Variants in ABCC1 observed in about 807,000 individuals in gnomAD.
The protein encoded by ABCC1 is ATP binding cassette subfamily C member 1 (ABCC1 blood group), also known as multidrug resistance-associated protein 1.
In ABCC1, 83 loss-of-function variants were observed where a neutral mutation model predicts 172.9. That is an observed-to-expected ratio of 0.48 (90% CI 0.40 to 0.58). The LOEUF (loss-of-function observed/expected upper bound fraction) is 0.58. Ranked by LOEUF, ABCC1 falls within the 20% of genes least tolerant of loss-of-function variation. The pLI, the probability that ABCC1 is intolerant of heterozygous loss-of-function variation, is 0.00. For synonymous variants in ABCC1, 937 were observed against 825.2 expected (o/e 1.14, Z -2.32); for missense variants, 1,817 against 2,002.7 (o/e 0.91, Z 1.77).
At chr16:16,066,534 G>T (rs1013388746) in intron 12 of ABCC1, among the ~76,000 whole-genome samples, 1 of 152,116 alleles carries the variant, frequency 6.6e-6, no homozygotes, top group East Asian at 1.9e-4. Context: ...GTTTTAGCAT[G>T]TATAAGAATT....
rs1485070279 is a variant in ABCC1, at chr16:16,056,203, C to T, written c.1585C>T (p.Leu529=). The T allele has an allele frequency of 1.9e-6, 3 of 1,614,194 alleles. No individual in the cohort carries two copies. The highest frequency in any genetic ancestry group is 2.5e-6 in the Non-Finnish European group (3 of 1,180,040). Residue 529 remains leucine, a synonymous_variant, in exon 12 of 31, where the codon CTG becomes TTG. Coordinates refer to ENST00000399410, the MANE Select transcript of ABCC1 (RefSeq NM_004996.4). ...AWELAFKDKV[L]AIRQEELKVL... The stretch of plus-strand genomic sequence containing the variant: ...GGAGCTGGCATTCAAGGACAAGGTG[C>T]TGGCCATCAGGCAGGAGGAGCTGAA...
chr16:15,986,268 C>A (rs923581148), intron 1 of ABCC1, among the ~76,000 whole-genome samples: 1 of 151,778 alleles, frequency 6.6e-6, no homozygotes, highest in East Asian at 1.9e-4. Context: ...ATATTCCCAC[C>A]GTCCTCTTGT....
intron 7 of ABCC1, among the ~76,000 whole-genome samples, chr16:16,042,158 T>A (rs1016339214): frequency 6.7e-6 from 1 of 148,674 alleles, no homozygotes; most frequent in South Asian, 2.1e-4. Flanking sequence ...TCTGTGACTC[T>A]GGAAGAGTTT....
chr16:16,095,190 T>A (rs2051422615), intron 19 of ABCC1: 1 of 152,250 alleles, frequency 6.6e-6, no homozygotes, highest in African/African-American at 2.4e-5. Context: ...GTTTTCTGGA[T>A]AAAGTGAATA....
At chr16:15,960,958 A>AGC (rs1390819180) in intron 1 of ABCC1, among the ~76,000 whole-genome samples, 1 of 151,842 alleles carries the variant, frequency 6.6e-6, no homozygotes, top group Non-Finnish European at 1.5e-5. Context: ...CCCTGGCAGA[A>AGC]GCAAGAACCT....
chr16:16,098,915 C>T (rs755464904), intron 19 of ABCC1: 29 of 1,351,786 alleles, frequency 2.1e-5, no homozygotes, highest in Middle Eastern at 2.1e-4. Context: ...CAGTACTGCC[C>T]GGGTTGGAGT....
intron 1 of ABCC1, among the ~76,000 whole-genome samples, chr16:15,958,581 T>C (rs1365637159): frequency 6.6e-6 from 1 of 152,218 alleles, no homozygotes; most frequent in Non-Finnish European, 1.5e-5. Context: ...AAGTAAGGCC[T>C]AGCTTTGATG....
At chr16:16,137,804 T>C (rs62032034) in intron 29 of ABCC1, among the ~76,000 whole-genome samples, 1 of 151,988 alleles carries the variant, frequency 6.6e-6, no homozygotes, top group East Asian at 1.9e-4. Flanking sequence ...CCACCCGCCT[T>C]AGCCTCACAA....
At chr16:16,024,361 G>A (rs532724352) in intron 5 of ABCC1, among the ~76,000 whole-genome samples, 86 of 152,172 alleles carry the variant, frequency 5.7e-4, no homozygotes, top group African/African-American at 2.0e-3. Context: ...TTGTTTGTTT[G>A]TTTGTTTTGA....
chr16:15,990,925 A>G (rs1405169237), intron 1 of ABCC1, among the ~76,000 whole-genome samples: 3 of 150,412 alleles, frequency 2.0e-5, no homozygotes, highest in Admixed American at 2.0e-4. Context: ...GACCTCCCAA[A>G]GCGGTGGGAT....
intron 7 of ABCC1, among the ~76,000 whole-genome samples, chr16:16,039,267 T>C (rs2151856366): frequency 1.3e-5 from 1 of 76,474 alleles, no homozygotes; most frequent in Admixed American, 1.3e-4. Context: ...GTGTGTTTTC[T>C]TTTTTTTTTT....
chr16:16,044,405 CA>C (rs1699938083), intron 7 of ABCC1, 44 bp from the exon 8 acceptor site: 1 of 1,536,848 alleles, frequency 6.5e-7, no homozygotes, highest in Non-Finnish European at 9.0e-7. Flanking sequence ...TAGGGGGCTG[CA>C]TCTCTGGCAG....
chr16:16,113,668 ATAAAAT>A (rs1250572540), intron 22 of ABCC1, among the ~76,000 whole-genome samples: 2 of 152,136 alleles, frequency 1.3e-5, no homozygotes, highest in African/African-American at 2.4e-5. Flanking sequence ...CAAAAGAAAA[ATAAAAT>A]TAAAGATTTA....
At chr16:16,078,192 C>G (rs950704239) in intron 15 of ABCC1, among the ~76,000 whole-genome samples, 3 of 151,972 alleles carry the variant, frequency 2.0e-5, no homozygotes, top group Non-Finnish European at 4.4e-5. Context: ...TAACTAAATA[C>G]AGATAAATAA....
At chr16:15,989,162 G>C (rs1175055536) in intron 1 of ABCC1, among the ~76,000 whole-genome samples, 1 of 151,928 alleles carries the variant, frequency 6.6e-6, no homozygotes, top group Non-Finnish European at 1.5e-5. Context: ...CGCCTGGATA[G>C]AGCAAGGATG....
chr16:16,069,211 A>AATAAATAT (rs1168834676), intron 13 of ABCC1, among the ~76,000 whole-genome samples: 102 of 127,538 alleles, frequency 8.0e-4, no homozygotes, highest in Admixed American at 1.1e-3. Context: ...TAAATAAATA[A>AATAAATAT]ATATGTTTGA....
rs45486698 is a variant in ABCC1 at position 16,071,501 on chromosome 16, T to C, written c.1825-141T>C. ...GTTTAATTCTAAAGTATACACTGGT[T>C]CTAAGAAATGTGGGACCTTCAGAAA... On this transcript the variant is annotated intron_variant, in intron 13 of 30. Coordinates refer to ENST00000399410, the MANE Select transcript of ABCC1 (RefSeq NM_004996.4). 352 of 646,534 alleles carry C rather than the reference T, an allele frequency of 5.4e-4. 2 individuals carry two copies. In the African/African-American group the frequency reaches 5.7e-3, roughly 11 times the overall value. The allele number at this position is 646,534 out of a possible 1,614,324, so 40.0% of individuals were successfully genotyped here. A position where few individuals can be genotyped will look rare whatever the true frequency, so the allele number is the denominator to read the frequency against.
intron 3 of ABCC1, among the ~76,000 whole-genome samples, chr16:16,011,681 TC>T (rs1365123235): frequency 6.6e-5 from 10 of 151,420 alleles, no homozygotes; most frequent in Admixed American, 6.6e-4. Flanking sequence ...TTTTTATTTT[TC>T]CCCCCGAGAT....
At position 16,009,783 on chromosome 16, in the gene ABCC1, G is replaced by A; in HGVS notation, c.233G>A (p.Gly78Glu). The A allele has an allele frequency of 6.2e-7, 1 of 1,606,950 alleles. No individual in the cohort carries two copies. The highest frequency in any genetic ancestry group is 1.3e-5 in the African/African-American group (1 of 74,540). Residue 78 changes from glycine to glutamate, a missense_variant, in exon 3 of 31, where the codon GGA becomes GAA. This residue lies in a region of ABCC1 where 398 missense variants were observed against 384.2 expected (regional missense o/e 1.04). Coordinates refer to ENST00000399410, the MANE Select transcript of ABCC1 (RefSeq NM_004996.4). Reference protein sequence around the residue: ...TPLNKTKTALGFLLWIVCWAD... With the variant: ...TPLNKTKTALEFLLWIVCWAD... ...TATGTGCTTCTCTTCCAGGCCTTGGGATTTTTGCTGTGGATCGTCTGCTGG... is the reference window on the plus strand; with the variant it reads ...TATGTGCTTCTCTTCCAGGCCTTGGAATTTTTGCTGTGGATCGTCTGCTGG...
Sources: gnomAD v4.1 joint callset for allele counts (sites outside exome capture counted in the v4.1 genomes callset) on GRCh38, gnomAD v4.1.1 for gene constraint, gnomAD v4.1.1 regional missense constraint, MANE v1.5 for transcripts, NCBI Gene and HGNC (gene_info 2026-07-23, HGNC 2026-07-21) for gene names.